Variants in ZDHHC11B observed in about 807,000 individuals in gnomAD.
ZDHHC11B encodes the protein zDHHC palmitoyltransferase 11B (putative), also known as probable palmitoyltransferase ZDHHC11B.
Under a neutral mutation model 42.3 loss-of-function variants are expected in ZDHHC11B, and 17 were observed. The observed-to-expected ratio is 0.40, with a 90% confidence interval of 0.27 to 0.60. The LOEUF is 0.60. ZDHHC11B is among the 20% of genes least tolerant of loss of function. The pLI is 0.41. For synonymous variants in ZDHHC11B, 123 were observed against 193.5 expected, an observed-to-expected ratio of 0.64 and a Z score of 3.02; for missense variants, 262 against 463.2, an observed-to-expected ratio of 0.57 and a Z score of 3.99.
intron 7 of ZDHHC11B, among the ~76,000 whole-genome samples, chr5:749,215 C>A (rs1396542955): frequency 7.7e-6 from 1 of 129,812 alleles, no homozygotes; most frequent in African/African-American, 2.5e-5. Flanking sequence ...CCTAAAACAG[C>A]CGCCTTCAAA....
At chr5:766,115 C>T (rs1246367566) in intron 4 of ZDHHC11B, among the ~76,000 whole-genome samples, 1 of 151,856 alleles carries the variant, frequency 6.6e-6, no homozygotes, top group Non-Finnish European at 1.5e-5. Flanking sequence ...GCAGAGCCCA[C>T]ATGCCCCATG....
chr5:770,630 G>A (rs1236749082), intron 1 of ZDHHC11B, among the ~76,000 whole-genome samples: 24 of 152,012 alleles, frequency 1.6e-4, no homozygotes, highest in Admixed American at 1.2e-3. Flanking sequence ...TGCGACAGCC[G>A]CTCCCTCCCC....
At chr5:779,217 C>T (rs1211148952) in intron 1 of ZDHHC11B, among the ~76,000 whole-genome samples, 18 of 151,494 alleles carry the variant, frequency 1.2e-4, no homozygotes, top group South Asian at 2.1e-4. Context: ...AGGCAGGGAG[C>T]GTCCCACCAA....
At chr5:759,504 C>G (rs1734304000) in intron 4 of ZDHHC11B, among the ~76,000 whole-genome samples, 2 of 152,120 alleles carry the variant, frequency 1.3e-5, no homozygotes, top group South Asian at 4.2e-4. Flanking sequence ...CAGCAAGGAG[C>G]TTTGCTGGGA....
rs574654598 is a variant in ZDHHC11B, at chr5:777,556, A to C, written c.-230+7112T>G. Among the ~76,000 whole-genome samples the C allele has an allele frequency of 2.6e-5, 4 of 151,936 alleles. No individual in the cohort carries two copies. In the South Asian group the frequency reaches 6.2e-4, roughly 24 times the overall value. Reference sequence around the variant, plus strand: ...GAAGAGAATGGAGTCAGGTTGCGGCAGGGCGTTCCGGCTACCCGCTTTTAT... The same window carrying C: ...GAAGAGAATGGAGTCAGGTTGCGGCCGGGCGTTCCGGCTACCCGCTTTTAT... On this transcript the variant is annotated intron_variant, in intron 1 of 13. Transcript: ENST00000508859.
chr5:776,834 G>A (rs966874093), intron 1 of ZDHHC11B, among the ~76,000 whole-genome samples: 7 of 151,874 alleles, frequency 4.6e-5, no homozygotes, highest in Non-Finnish European at 1.5e-5. Flanking sequence ...AGCCCATTTG[G>A]GTGCAGCACA....
chr5:765,759 C>T (rs1170248002), intron 4 of ZDHHC11B, among the ~76,000 whole-genome samples: 2 of 151,896 alleles, frequency 1.3e-5, no homozygotes, highest in Non-Finnish European at 2.9e-5. Flanking sequence ...CCCCAAACCA[C>T]CAGAAGGAAG....
intron 13 of ZDHHC11B, among the ~76,000 whole-genome samples, chr5:714,670 TG>T: frequency 8.2e-6 from 1 of 122,330 alleles, no homozygotes; most frequent in Non-Finnish European, 1.9e-5. Flanking sequence ...TGGCTGAGTT[TG>T]GGCTTCTATA....
intron 4 of ZDHHC11B, among the ~76,000 whole-genome samples, chr5:759,792 G>A (rs1236733689): frequency 1.3e-5 from 2 of 151,874 alleles, no homozygotes; most frequent in African/African-American, 4.8e-5. Context: ...GACCTCCCTT[G>A]GGGTCAGGGG....
At chr5:777,914 G>A (rs1044549597) in intron 1 of ZDHHC11B, among the ~76,000 whole-genome samples, 1 of 151,176 alleles carries the variant, frequency 6.6e-6, no homozygotes, top group Non-Finnish European at 1.5e-5. Context: ...CCGGGGCGGG[G>A]GAGGGGGGGC....
At chr5:775,386 C>T (rs1429617908) in intron 1 of ZDHHC11B, among the ~76,000 whole-genome samples, 1 of 151,968 alleles carries the variant, frequency 6.6e-6, no homozygotes, top group East Asian at 1.9e-4. Context: ...CACCCGATGG[C>T]CTCATGCAGG....
At chr5:722,287 C>T (rs1175705858) in intron 12 of ZDHHC11B, among the ~76,000 whole-genome samples, 1 of 151,750 alleles carries the variant, frequency 6.6e-6, no homozygotes, top group African/African-American at 2.4e-5. Flanking sequence ...TGGACAGACT[C>T]TATCTGTAAT....
At chr5:733,889 G>A (rs28498541) in intron 10 of ZDHHC11B, 50 bp from the exon 11 acceptor site, 255,998 of 1,406,142 alleles carry the variant, frequency 0.18, 23,957 homozygotes, top group Non-Finnish European at 0.21. Context: ...TTGTGGGGGG[G>A]CTCAGGGTGG....
chr5:717,184 A>T (rs1190250013), intron 12 of ZDHHC11B, among the ~76,000 whole-genome samples: 3 of 151,290 alleles, frequency 2.0e-5, no homozygotes, highest in Non-Finnish European at 2.9e-5. Flanking sequence ...AAGTGGCGAA[A>T]TGTGGGGCCC....
chr5:716,508 T>C (rs1741761087), intron 13 of ZDHHC11B, among the ~76,000 whole-genome samples: 1 of 151,780 alleles, frequency 6.6e-6, no homozygotes, highest in African/African-American at 2.4e-5. Context: ...GTGAAAATAA[T>C]TCTTAGTTTA....
chr5:753,867 G>C (rs1423942396), intron 6 of ZDHHC11B, among the ~76,000 whole-genome samples: 3 of 146,524 alleles, frequency 2.0e-5, no homozygotes, highest in African/African-American at 7.4e-5. Flanking sequence ...CCACTCCCAC[G>C]CACACCAAGG....
Position 747,894 on chromosome 5 carries a change from T to G in ZDHHC11B, c.784+510A>C, listed in dbSNP as rs548260637. The G allele has an allele frequency of 7.9e-4, 197 of 249,920 alleles. 5 individuals are homozygous for G. Among genetic ancestry groups the G allele is most frequent in the Admixed American group, 2.2e-3 (35 of 15,752 alleles). 15.5% of individuals were successfully genotyped at this position (249,920 alleles called of 1,614,324 possible). A position where few individuals can be genotyped will look rare whatever the true frequency, so the allele number is the denominator to read the frequency against. On this transcript the variant is annotated intron_variant, in intron 8 of 13. Coordinates refer to ENST00000508859, the MANE Select transcript of ZDHHC11B (RefSeq NM_001351303.2). Reference sequence around the variant, plus strand: ...GGCTGGGGAGTTTACCCTCCGTCGTTCAGCAACATGACTGACCGCCTACCG... The same window carrying G: ...GGCTGGGGAGTTTACCCTCCGTCGTGCAGCAACATGACTGACCGCCTACCG...
intron 13 of ZDHHC11B, among the ~76,000 whole-genome samples, chr5:714,190 C>G (rs1313027897): frequency 1.5e-5 from 2 of 131,460 alleles, no homozygotes; most frequent in Admixed American, 7.2e-5. Context: ...TGCCACATGA[C>G]TAGAACCTCT....
At chr5:747,284 C>G (rs200456376) in intron 8 of ZDHHC11B, 1 of 113,220 alleles carries the variant, frequency 8.8e-6, no homozygotes, top group Admixed American at 1.1e-4. Flanking sequence ...GTAAACATAT[C>G]CTAAGCACCT....
Sources: gnomAD v4.1 joint callset for allele counts (sites outside exome capture counted in the v4.1 genomes callset) on GRCh38, gnomAD v4.1.1 for gene constraint, MANE v1.5 for transcripts, NCBI Gene and HGNC (gene_info 2026-07-23, HGNC 2026-07-21) for gene names.